MYH14: variants seen among roughly 807,000 people sequenced by gnomAD.
MYH14 encodes myosin heavy chain 14, also known as myosin-14.
Under a neutral mutation model 255.5 loss-of-function variants are expected in MYH14, and 123 were observed. The observed-to-expected ratio is 0.48, with a 90% CI of 0.42 to 0.56. The LOEUF is 0.56. MYH14 is among the 20% of genes least tolerant of loss of function. The pLI is 0.00. For missense variants in MYH14, 2,423 were observed against 2,802.3 expected, an observed-to-expected ratio of 0.86 and a Z score of 3.06; for synonymous variants, 1,095 against 1,161.2, an observed-to-expected ratio of 0.94 and a Z score of 1.16.
intron 17 of MYH14, 27 bp from the exon 18 acceptor site, chr19:50,257,272 C>G: frequency 2.6e-6 from 4 of 1,566,928 alleles, no homozygotes; most frequent in Non-Finnish European, 3.5e-6. Context: ...ACCTCCTTCT[C>G]TCTCTCTCTG....
chr19:50,232,112 A>G (rs373228147), intron 10 of MYH14, 42 bp downstream of exon 10: 1 of 1,603,266 alleles, frequency 6.2e-7, no homozygotes, highest in Non-Finnish European at 8.5e-7. Context: ...GGGGAACCCC[A>G]CGGAGAGCTG....
chr19:50,211,869 T>G (rs963155925), intron 2 of MYH14, among the ~76,000 whole-genome samples: 3 of 151,562 alleles, frequency 2.0e-5, no homozygotes, highest in African/African-American at 7.3e-5. Flanking sequence ...ACTCTTGTAG[T>G]CCCAGTTACT....
At chr19:50,205,597 C>G (rs992201227) in intron 1 of MYH14, 5 of 152,340 alleles carry the variant, frequency 3.3e-5, no homozygotes, top group African/African-American at 1.2e-4. Context: ...GCGACACAGG[C>G]GCTTGGGTCC....
intron 40 of MYH14, among the ~76,000 whole-genome samples, chr19:50,306,504 CTCTGAAGAT>C (rs2036658972): frequency 6.6e-6 from 1 of 152,120 alleles, no homozygotes; most frequent in African/African-American, 2.4e-5. Flanking sequence ...TTCCCTCCCG[CTCTGAAGAT>C]TCAAGTCTGC....
rs2035693812 is a variant in MYH14 at position 50,280,832 on chromosome 19, T to C, written c.4290+449T>C. On this transcript the variant is annotated intron_variant, in intron 32 of 42. Coordinates refer to ENST00000642316, the MANE Select transcript of MYH14 (RefSeq NM_001145809.2). This position sits in a 1 kb window ranked among gnomAD's most constrained non-coding sequence, Gnocchi z 4.8. ...ATTGAGGCCCTGCAATCTCTGGTCC[T>C]TCCTCTGCCTTTAGCTGTATTCATC... Among the ~76,000 whole-genome samples, 2 of 152,250 alleles carry C rather than the reference T, an allele frequency of 1.3e-5. No individual in the cohort carries two copies. The highest frequency in any genetic ancestry group is 1.3e-4 in the Admixed American group (2 of 15,274).
At chr19:50,245,450 A>G (rs1192226609) in intron 11 of MYH14, among the ~76,000 whole-genome samples, 6 of 147,338 alleles carry the variant, frequency 4.1e-5, no homozygotes, top group Non-Finnish European at 6.0e-5. Flanking sequence ...AAAGAAAGAA[A>G]AAGAAGAAGA....
In MYH14 at chr19:50,231,927, C is replaced by T. The variant is rs1478293519; in HGVS notation, c.974-3C>T. 6.2e-7 allele frequency: 1 copy of T among 1,613,880 alleles called. No individual in the cohort carries two copies. Among genetic ancestry groups the T allele is most frequent in the Non-Finnish European group, 8.5e-7 (1 of 1,179,866 alleles). On this transcript the variant is annotated splice_region_variant and splice_polypyrimidine_tract_variant and intron_variant, in intron 9 of 42. Coordinates refer to ENST00000642316, the MANE Select transcript of MYH14 (RefSeq NM_001145809.2). ...ACCTTGACCCCACTCATTGTCCCTGCAGCCGACCTCCTCCTCGAGCCCTGC... is the reference window on the plus strand; with the variant it reads ...ACCTTGACCCCACTCATTGTCCCTGTAGCCGACCTCCTCCTCGAGCCCTGC...
chr19:50,209,959 G>A (rs1475409129), intron 1 of MYH14, among the ~76,000 whole-genome samples: 3 of 149,076 alleles, frequency 2.0e-5, no homozygotes, highest in Non-Finnish European at 3.0e-5. Flanking sequence ...TTAGCTGGGC[G>A]TGGTGGCAGA....
rs749217022 is a variant in MYH14, at chr19:50,293,242, G to T, written c.5266G>T (p.Ala1756Ser). The T allele has an allele frequency of 7.5e-6, 12 of 1,605,372 alleles. No individual in the cohort carries two copies. In the South Asian group the frequency reaches 1.2e-4, roughly 16 times the overall value. Residue 1756 changes from alanine to serine, a missense_variant, in exon 38 of 43, where the codon GCC becomes TCC. This residue lies in a region of MYH14 where 1,513 missense variants were observed against 1,674.8 expected (regional missense o/e 0.90). Transcript: ENST00000642316. The surrounding 1 kb of genome is among the most constrained non-coding windows in gnomAD (Gnocchi z 4.1). ...EVLRLQEELAASDRARRQAQQ... is the reference protein window; with the variant it reads ...EVLRLQEELASSDRARRQAQQ... Reference sequence around the variant, plus strand: ...CCCTCCATCATCACAGGAACTGGCCGCCTCGGACCGTGCTCGGCGGCAGGC... The same window carrying T: ...CCCTCCATCATCACAGGAACTGGCCTCCTCGGACCGTGCTCGGCGGCAGGC...
At position 50,280,245 on chromosome 19, in the gene MYH14, G is replaced by C. The variant is rs727504965; in HGVS notation, c.4152G>C (p.Glu1384Asp). Residue 1384 changes from glutamate to aspartate, a missense_variant, in exon 32 of 43, where the codon GAG (glutamate) becomes GAC (aspartate). Physicochemically the swap from Glu to Asp is conservative, Grantham distance 45. Around this residue, in one of 3 missense-constraint regions of MYH14, gnomAD observed 1,513 missense variants for 1,674.8 expected, o/e 0.90. Coordinates refer to ENST00000642316, the MANE Select transcript of MYH14 (RefSeq NM_001145809.2). This position sits in a 1 kb window ranked among gnomAD's most constrained non-coding sequence, Gnocchi z 4.8. ...QLHDAQELLQ[E>D]ETRAKLALGS... ...TCCATCTACAGGAGCTGCTGCAGGAGGAGACCAGGGCGAAATTGGCCTTGG... is the reference window on the plus strand; with the variant it reads ...TCCATCTACAGGAGCTGCTGCAGGACGAGACCAGGGCGAAATTGGCCTTGG... 1 of 1,551,942 alleles carries C rather than the reference G, an allele frequency of 6.4e-7. No individual in the cohort carries two copies.
Position 50,280,520 on chromosome 19 carries a change from C to A in MYH14, c.4290+137C>A. Reference sequence around the variant, plus strand: ...ATGGGTGCCTTTCTCATCTCTGACTCCCCCTTACCCCCCACAGCCCATGCC... The same window carrying A: ...ATGGGTGCCTTTCTCATCTCTGACTACCCCTTACCCCCCACAGCCCATGCC... On this transcript the variant is annotated intron_variant, in intron 32 of 42. Transcript: ENST00000642316. This position sits in a 1 kb window ranked among gnomAD's most constrained non-coding sequence, Gnocchi z 4.8. 1.1e-6 allele frequency: 1 copy of A among 892,774 alleles called. No homozygotes were observed. Among genetic ancestry groups the A allele is most frequent in the Non-Finnish European group, 1.7e-6 (1 of 604,180 alleles). The allele number at this position is 892,774 out of a possible 1,614,324, so 55.3% of individuals were successfully genotyped here. A position where few individuals can be genotyped will look rare whatever the true frequency, so the allele number is the denominator to read the frequency against.
At position 50,280,517 on chromosome 19, in the gene MYH14, A is replaced by C; in HGVS notation, c.4290+134A>C. 1.1e-6 allele frequency: 1 copy of C among 931,008 alleles called. No individual in the cohort carries two copies. Among genetic ancestry groups the C allele is most frequent in the East Asian group, 2.7e-5 (1 of 37,068 alleles). 57.7% of individuals were successfully genotyped at this position (931,008 alleles called of 1,614,324 possible). A position where few individuals can be genotyped will look rare whatever the true frequency, so the allele number is the denominator to read the frequency against. On this transcript the variant is annotated intron_variant, in intron 32 of 42. Coordinates refer to ENST00000642316, the MANE Select transcript of MYH14 (RefSeq NM_001145809.2). The surrounding 1 kb of genome is among the most constrained non-coding windows in gnomAD (Gnocchi z 4.8). ...CCCATGGGTGCCTTTCTCATCTCTG[A>C]CTCCCCCTTACCCCCCACAGCCCAT...
Position 50,309,042 on chromosome 19 carries a change from G to A in MYH14, c.5825G>A (p.Arg1942Gln), listed in dbSNP as rs568453342. ...AACCTTCGAGTCAAGCAGCTGAAGC[G>A]GCAGCTGGAGGAGGCCGAGGAGGAG... ...KGNLRVKQLKRQLEEAEEEAS... is the reference protein window; with the variant it reads ...KGNLRVKQLKQQLEEAEEEAS... Residue 1942 changes from arginine to glutamine, a missense_variant, in exon 42 of 43, where the codon CGG becomes CAG. Physicochemically the swap from Arg to Gln is conservative, Grantham distance 43. This residue lies in a region of MYH14 where 1,513 missense variants were observed against 1,674.8 expected (regional missense o/e 0.90). Transcript: ENST00000642316. 5.6e-6 allele frequency: 9 copies of A among 1,613,328 alleles called. No homozygotes were observed. The highest frequency in any genetic ancestry group is 3.3e-5 in the Admixed American group (2 of 59,972).
At chr19:50,204,214 G>T (rs1411746897) in intron 1 of MYH14, among the ~76,000 whole-genome samples, 1 of 152,180 alleles carries the variant, frequency 6.6e-6, no homozygotes, top group African/African-American at 2.4e-5. Flanking sequence ...CCATTATACA[G>T]AGAGGGGAAG....
Position 50,260,955 on chromosome 19 carries a change from T to C in MYH14, c.2424+240T>C, listed in dbSNP as rs549950951. Among the ~76,000 whole-genome samples, 3 of 150,472 alleles carry C rather than the reference T, an allele frequency of 2.0e-5. No individual in the cohort carries two copies. In the South Asian group the frequency reaches 6.4e-4, roughly 32 times the overall value. Reference sequence around the variant, plus strand: ...CGGGGAGTGGGGCTGGGATCTCCCCTTCATTGACCTTCCTCATTACCTCTC... The same window carrying C: ...CGGGGAGTGGGGCTGGGATCTCCCCCTCATTGACCTTCCTCATTACCTCTC... On this transcript the variant is annotated intron_variant, in intron 20 of 42. Coordinates refer to ENST00000642316, the MANE Select transcript of MYH14 (RefSeq NM_001145809.2).
Position 50,252,389 on chromosome 19 carries a change from G to A in MYH14, c.1831-250G>A, listed in dbSNP as rs867894481. Among the ~76,000 whole-genome samples, 49 of 152,226 alleles carry A rather than the reference G, an allele frequency of 3.2e-4. 1 individual carries two copies. Among genetic ancestry groups the A allele is most frequent in the African/African-American group, 1.1e-3 (44 of 41,536 alleles). On this transcript the variant is annotated intron_variant, in intron 15 of 42. Coordinates refer to ENST00000642316, the MANE Select transcript of MYH14 (RefSeq NM_001145809.2). This position sits in a 1 kb window ranked among gnomAD's most constrained non-coding sequence, Gnocchi z 4.2. ...GTGCGGAGGCCAGGGTGGCTGGAGC[G>A]GAATGAATAGGAAGAAAGTGGTGGT...
rs1403261587 is a variant in MYH14, at chr19:50,259,156, G to T, written c.2245G>T (p.Glu749Ter). 1 of 1,556,442 alleles carries T rather than the reference G, an allele frequency of 6.4e-7. No homozygotes were observed. Residue 749 changes from glutamate to a stop codon, truncating the protein, a stop_gained, in exon 19 of 43, where the codon GAG (glutamate) becomes TAG (stop). Transcript: ENST00000642316. LOFTEE classifies it high-confidence loss of function. ...PNHEKRAGKL[E>*]PRLVLDQLRC... Reference sequence around the variant, plus strand: ...CCGCTCTCCCCAGGCCGGGAAGCTGGAGCCACGGCTGGTGCTGGACCAGCT... The same window carrying T: ...CCGCTCTCCCCAGGCCGGGAAGCTGTAGCCACGGCTGGTGCTGGACCAGCT...
rs2032568071 is a variant in MYH14, at chr19:50,217,784, T to C, written c.562+13T>C. ...AGCATGCTGCAGGGTGAGTGCTGGG[T>C]GGGGCTGTAGGCCAGCGAGGCGGCT... On this transcript the variant is annotated intron_variant, in intron 3 of 42. Transcript: ENST00000642316. 6.2e-7 allele frequency: 1 copy of C among 1,611,240 alleles called. No homozygotes were observed. Among genetic ancestry groups the C allele is most frequent in the East Asian group, 2.2e-5 (1 of 44,842 alleles).
chr19:50,267,140 G>A, intron 23 of MYH14, 132 bp downstream of exon 23: 1 of 913,602 alleles, frequency 1.1e-6, no homozygotes, highest in Non-Finnish European at 1.6e-6. Flanking sequence ...CGGGAGGATG[G>A]GAGCAAAGCT....
Sources: gnomAD v4.1 joint callset for allele counts (sites outside exome capture counted in the v4.1 genomes callset) on GRCh38, gnomAD v4.1.1 for gene constraint, gnomAD v4.1.1 regional missense constraint, Gnocchi (gnomAD v3.1) non-coding constraint, MANE v1.5 for transcripts, NCBI Gene and HGNC (gene_info 2026-07-23, HGNC 2026-07-21) for gene names.